The following GPHN variants were observed in gnomAD, a reference collection of about 807,000 sequenced individuals.
GPHN encodes the protein gephyrin.
Under a neutral mutation model 95.5 loss-of-function variants are expected in GPHN, and 17 were observed. The observed-to-expected ratio is 0.18, with a 90% confidence interval of 0.12 to 0.27. The LOEUF (loss-of-function observed/expected upper bound fraction) is 0.27. Ranked by LOEUF, GPHN falls within the 10% of genes least tolerant of loss-of-function variation. The pLI, the probability that GPHN is intolerant of heterozygous loss-of-function variation, is 1.00. For synonymous variants in GPHN, 320 were observed against 322.5 expected (o/e 0.99, Z 0.08); for missense variants, 660 against 978.1 (o/e 0.67, Z 4.34).
At chr14:66,929,337 G>A (rs2066657202) in intron 8 of GPHN, among the ~76,000 whole-genome samples, 1 of 151,986 alleles carries the variant, frequency 6.6e-6, no homozygotes, top group South Asian at 2.1e-4. Context: ...GAGCTACCAC[G>A]CCCAGCCTCA....
At chr14:66,877,948 G>A (rs1172525477) in intron 4 of GPHN, among the ~76,000 whole-genome samples, 1 of 152,166 alleles carries the variant, frequency 6.6e-6, no homozygotes, top group Non-Finnish European at 1.5e-5. Flanking sequence ...CAAAGCTGGA[G>A]GCATCACACT....
chr14:67,728,451 C>G, the GPHN span, among the ~76,000 whole-genome samples: 1 of 152,166 alleles, frequency 6.6e-6, no homozygotes, highest in Non-Finnish European at 1.5e-5. Context: ...CAAATGCAGA[C>G]AGTCCATTCC....
At chr14:66,998,782 A>T (rs1209888175) in intron 9 of GPHN, among the ~76,000 whole-genome samples, 1 of 151,740 alleles carries the variant, frequency 6.6e-6, no homozygotes, top group Admixed American at 6.6e-5. Context: ...TCAAAAATGA[A>T]CCTATCCATG....
At chr14:66,595,988 C>G (rs1179458888) in intron 1 of GPHN, among the ~76,000 whole-genome samples, 1 of 152,080 alleles carries the variant, frequency 6.6e-6, no homozygotes, top group Non-Finnish European at 1.5e-5. Flanking sequence ...AGGAGACCCA[C>G]AGTGGGTAGC....
the GPHN span, chr14:67,724,472 G>A: frequency 3.1e-6 from 5 of 1,589,234 alleles, no homozygotes; most frequent in Non-Finnish European, 4.3e-6. Context: ...CTTGCCGATA[G>A]GAAGTTCTTT....
At chr14:67,571,991 G>C in the GPHN span, 1 of 1,506,590 alleles carries the variant, frequency 6.6e-7, no homozygotes, top group East Asian at 2.5e-5. Flanking sequence ...GTCCCCACTT[G>C]ATCTGAGCTC....
intron 5 of GPHN, among the ~76,000 whole-genome samples, chr14:66,910,371 C>T (rs1022479199): frequency 2.6e-5 from 4 of 151,726 alleles, no homozygotes; most frequent in Admixed American, 1.3e-4. Context: ...GTCATCTATT[C>T]GGCCAAAAGA....
intron 1 of GPHN, among the ~76,000 whole-genome samples, chr14:66,652,423 TATC>T (rs889702876): frequency 2.0e-5 from 3 of 151,990 alleles, no homozygotes; most frequent in East Asian, 1.9e-4. Flanking sequence ...ATATATATAA[TATC>T]ATTCTATGTA....
chr14:67,302,616 C>T, the GPHN span: 1 of 1,334,788 alleles, frequency 7.5e-7, no homozygotes, highest in East Asian at 2.7e-5. Flanking sequence ...TTTTAGAAAG[C>T]TCTTATTAGA....
the GPHN span, chr14:67,725,984 C>T: frequency 1.9e-6 from 2 of 1,034,896 alleles, no homozygotes; most frequent in African/African-American, 1.6e-5. Context: ...GGCAATTATG[C>T]AGGTCTGTTA....
the GPHN span, among the ~76,000 whole-genome samples, chr14:67,603,440 A>G: frequency 9.4e-3 from 1,434 of 152,300 alleles, 30 homozygotes; most frequent in African/African-American, 0.033. Flanking sequence ...AATTTTTTAA[A>G]AATACTCAAT....
chr14:66,657,918 T>G (rs1485503980), intron 1 of GPHN, among the ~76,000 whole-genome samples: 1 of 152,126 alleles, frequency 6.6e-6, no homozygotes, highest in African/African-American at 2.4e-5. Context: ...GTCTTATTAT[T>G]TAAGAAATAC....
the GPHN span, among the ~76,000 whole-genome samples, chr14:67,191,257 T>C: frequency 6.6e-6 from 1 of 152,174 alleles, no homozygotes; most frequent in Non-Finnish European, 1.5e-5. Flanking sequence ...CATCATGTAA[T>C]TACAGACAAA....
chr14:67,577,308 C>T, the GPHN span: 55 of 1,564,138 alleles, frequency 3.5e-5, no homozygotes, highest in Middle Eastern at 1.7e-4. Flanking sequence ...GCAGATTCGC[C>T]GCTCTGGAGG....
the GPHN span, chr14:67,706,018 T>C: frequency 6.6e-6 from 1 of 152,232 alleles, no homozygotes; most frequent in Non-Finnish European, 1.5e-5. Flanking sequence ...AAAGATCCCT[T>C]TAGCCTAGAC....
At chr14:67,481,993 T>C in the GPHN span, among the ~76,000 whole-genome samples, 1 of 152,008 alleles carries the variant, frequency 6.6e-6, no homozygotes, top group Non-Finnish European at 1.5e-5. Flanking sequence ...GAGGACAGAG[T>C]TTGGAGAGCA....
chr14:66,955,876 A>G (rs889294798), intron 8 of GPHN, among the ~76,000 whole-genome samples: 4 of 152,154 alleles, frequency 2.6e-5, no homozygotes, highest in African/African-American at 7.2e-5. Flanking sequence ...CCTACAAAGG[A>G]CATGAACTCA....
intron 9 of GPHN, among the ~76,000 whole-genome samples, chr14:66,999,020 T>A (rs2072029965): frequency 6.6e-6 from 1 of 151,798 alleles, no homozygotes; most frequent in African/African-American, 2.4e-5. Flanking sequence ...AATGTCATCC[T>A]CATTTTAAAG....
At chr14:67,221,843 T>A in the GPHN span, 32 of 1,608,410 alleles carry the variant, frequency 2.0e-5, no homozygotes, top group Non-Finnish European at 2.7e-5. Flanking sequence ...TTTATTGTGA[T>A]CCCTGGTATT....
Sources: allele counts gnomAD v4.1 joint callset (sites outside exome capture counted in the v4.1 genomes callset), GRCh38; gene constraint gnomAD v4.1.1; transcripts MANE v1.5; gene names NCBI Gene and HGNC (gene_info 2026-07-23, HGNC 2026-07-21).